Variants in SPAG16 observed in about 807,000 individuals in gnomAD.
SPAG16 encodes the protein sperm-associated antigen 16 protein.
SPAG16 carries 86 observed loss-of-function variants against 80.4 expected under a neutral mutation model. The ratio of observed to expected loss-of-function variants is 1.07; its 90% CI spans 0.90 to 1.28. SPAG16 has a LOEUF of 1.28. Ranked by LOEUF, SPAG16 falls within the 50% of genes most tolerant of loss-of-function variation. The probability of loss-of-function intolerance (pLI) is 0.00; values close to 1 mark genes in which losing one functional copy is unlikely to be tolerated. For synonymous variants in SPAG16, 294 were observed against 265.9 expected, an observed-to-expected ratio of 1.11 and a Z score of -1.03; for missense variants, 870 against 765.3, an observed-to-expected ratio of 1.14 and a Z score of -1.61.
chr2:213,602,526 CGGGA>C (rs959617192), intron 10 of SPAG16, among the ~76,000 whole-genome samples: 59 of 152,064 alleles, frequency 3.9e-4, no homozygotes, highest in African/African-American at 1.3e-3. Context: ...CCCAGCTACT[CGGGA>C]GGCTGAGACA....
intron 10 of SPAG16, among the ~76,000 whole-genome samples, chr2:213,761,252 A>G (rs995566707): frequency 2.6e-5 from 4 of 152,182 alleles, no homozygotes; most frequent in African/African-American, 9.7e-5. Context: ...CAATATATCA[A>G]AACATATGGG....
At chr2:214,110,536 T>C (rs950809009) in intron 14 of SPAG16, among the ~76,000 whole-genome samples, 2 of 152,218 alleles carry the variant, frequency 1.3e-5, no homozygotes, top group African/African-American at 4.8e-5. Context: ...CAGTCTATGA[T>C]TGATGGACAT....
chr2:213,535,567 A>G (rs2076214598), intron 10 of SPAG16, among the ~76,000 whole-genome samples: 1 of 152,158 alleles, frequency 6.6e-6, no homozygotes, highest in Admixed American at 6.5e-5. Flanking sequence ...TATTGAAATC[A>G]TACCTTAAAT....
At chr2:213,913,141 G>T (rs1166083767) in intron 11 of SPAG16, among the ~76,000 whole-genome samples, 1 of 151,920 alleles carries the variant, frequency 6.6e-6, no homozygotes, top group South Asian at 2.1e-4. Flanking sequence ...GAATGTATAT[G>T]GTCATCTGAG....
At chr2:214,039,454 TCTAATTAAA>T (rs1430972740) in intron 13 of SPAG16, among the ~76,000 whole-genome samples, 16 of 152,130 alleles carry the variant, frequency 1.1e-4, no homozygotes, top group African/African-American at 3.6e-4. Flanking sequence ...ACAAATGGGA[TCTAATTAAA>T]CTAAAGAGCT....
intron 10 of SPAG16, among the ~76,000 whole-genome samples, chr2:213,788,008 G>A (rs2070449198): frequency 6.6e-6 from 1 of 151,980 alleles, no homozygotes; most frequent in African/African-American, 2.4e-5. Flanking sequence ...AAGAGCTGGT[G>A]TTGTTGATAG....
intron 3 of SPAG16, among the ~76,000 whole-genome samples, chr2:213,309,694 C>G (rs1231905348): frequency 6.6e-6 from 1 of 151,994 alleles, no homozygotes; most frequent in Non-Finnish European, 1.5e-5. Flanking sequence ...GACATCTTCA[C>G]CACCCTAAAT....
At chr2:213,639,810 T>A (rs929864667) in intron 10 of SPAG16, among the ~76,000 whole-genome samples, 4 of 152,226 alleles carry the variant, frequency 2.6e-5, no homozygotes, top group Admixed American at 1.3e-4. Context: ...AGGGATGTTT[T>A]CCTTGATTAT....
At chr2:213,450,865 G>A (rs1043663027) in intron 9 of SPAG16, among the ~76,000 whole-genome samples, 2 of 152,072 alleles carry the variant, frequency 1.3e-5, no homozygotes, top group African/African-American at 4.8e-5. Context: ...ATAATGTTCT[G>A]CATATTTTTG....
chr2:214,410,050 A>C (rs1702212413), intron 15 of SPAG16, 90 bp from the exon 16 acceptor site: 3 of 1,446,804 alleles, frequency 2.1e-6, no homozygotes, highest in Non-Finnish European at 2.9e-6. Flanking sequence ...ATAATTGAAA[A>C]AAATAGAATG....
chr2:214,173,117 C>G (rs1226946804), intron 15 of SPAG16, among the ~76,000 whole-genome samples: 1 of 152,036 alleles, frequency 6.6e-6, no homozygotes, highest in African/African-American at 2.4e-5. Context: ...TCCCATTTGT[C>G]AATTTTGGCT....
chr2:213,912,856 T>C (rs2077738282), intron 11 of SPAG16, among the ~76,000 whole-genome samples: 1 of 152,128 alleles, frequency 6.6e-6, no homozygotes, highest in African/African-American at 2.4e-5. Context: ...CAAATTATCA[T>C]GTTAAATCAC....
At chr2:213,988,277 C>T (rs895106994) in intron 12 of SPAG16, among the ~76,000 whole-genome samples, 2 of 151,984 alleles carry the variant, frequency 1.3e-5, no homozygotes, top group African/African-American at 4.8e-5. Context: ...TAGTATACTC[C>T]ACCCAACAAC....
chr2:213,845,466 G>A (rs1173912815), intron 10 of SPAG16, among the ~76,000 whole-genome samples: 3 of 152,132 alleles, frequency 2.0e-5, no homozygotes, highest in Admixed American at 6.5e-5. Flanking sequence ...AAAGTGCTGG[G>A]ATTACAGGTG....
chr2:213,653,347 T>C (rs1288608824), intron 10 of SPAG16, among the ~76,000 whole-genome samples: 1 of 152,204 alleles, frequency 6.6e-6, no homozygotes, highest in Non-Finnish European at 1.5e-5. Flanking sequence ...ATACTTGTCA[T>C]AGGCCCTTTG....
intron 13 of SPAG16, among the ~76,000 whole-genome samples, chr2:214,040,588 C>T (rs1412768314): frequency 6.6e-6 from 1 of 152,164 alleles, no homozygotes; most frequent in African/African-American, 2.4e-5. Flanking sequence ...ATAATGGCCT[C>T]CAGCTCCATC....
At chr2:213,599,932 C>T (rs10182262) in intron 10 of SPAG16, among the ~76,000 whole-genome samples, 4,049 of 152,214 alleles carry the variant, frequency 0.027, 174 homozygotes, top group African/African-American at 0.091. Context: ...CCGATCCACC[C>T]GCCTTGGCCT....
At chr2:213,904,968 T>C (rs1274522494) in intron 11 of SPAG16, among the ~76,000 whole-genome samples, 1 of 152,232 alleles carries the variant, frequency 6.6e-6, no homozygotes, top group African/African-American at 2.4e-5. Context: ...ACAAGTGGCA[T>C]AAAAAGGATT....
intron 12 of SPAG16, among the ~76,000 whole-genome samples, chr2:213,936,793 C>T (rs1343825302): frequency 1.3e-5 from 2 of 152,166 alleles, no homozygotes; most frequent in East Asian, 3.9e-4. Flanking sequence ...GGAATGCCTT[C>T]TCATTGTTCA....
Sources: allele counts gnomAD v4.1 joint callset (sites outside exome capture counted in the v4.1 genomes callset), GRCh38; gene constraint gnomAD v4.1.1; transcripts MANE v1.5; gene names NCBI Gene and HGNC (gene_info 2026-07-23, HGNC 2026-07-21).